CAMKMT: variants seen among roughly 807,000 people sequenced by gnomAD.
CAMKMT encodes the protein CaM KMT.
In CAMKMT, 53 loss-of-function variants were observed where a neutral mutation model predicts 48.0. The ratio of observed to expected loss-of-function variants is 1.10; its 90% CI spans 0.89 to 1.39. The LOEUF is 1.39. Among genes scored for constraint, CAMKMT ranks in the 40% most tolerant of loss-of-function variants. The pLI is 0.00. For missense variants in CAMKMT, 428 were observed against 402.7 expected, an observed-to-expected ratio of 1.06 and a Z score of -0.54; for synonymous variants, 165 against 152.3, an observed-to-expected ratio of 1.08 and a Z score of -0.61.
intron 3 of CAMKMT, among the ~76,000 whole-genome samples, chr2:44,416,031 T>A (rs1464386289): frequency 1.3e-5 from 2 of 152,230 alleles, no homozygotes; most frequent in South Asian, 4.1e-4. Context: ...AAAATCCTTT[T>A]AAGATACTGA....
chr2:44,400,922 ATGTG>A (rs58801502), intron 3 of CAMKMT: 3 of 129,884 alleles, frequency 2.3e-5, no homozygotes, highest in Non-Finnish European at 4.9e-5. Flanking sequence ...ATGTATACTT[ATGTG>A]TGTGTATATA....
At chr2:44,504,567 C>A (rs1026717520) in intron 3 of CAMKMT, among the ~76,000 whole-genome samples, 2 of 152,078 alleles carry the variant, frequency 1.3e-5, no homozygotes, top group African/African-American at 4.8e-5. Context: ...ATTTCCTATG[C>A]CTCTTACAAG....
At chr2:44,679,082 A>G (rs780509442) in intron 3 of CAMKMT, among the ~76,000 whole-genome samples, 7 of 152,152 alleles carry the variant, frequency 4.6e-5, no homozygotes, top group African/African-American at 7.2e-5. Flanking sequence ...TGAATAAACC[A>G]TCCTGGTTTC....
chr2:44,767,628 A>G (rs915382591), intron 10 of CAMKMT, among the ~76,000 whole-genome samples: 2 of 152,160 alleles, frequency 1.3e-5, no homozygotes, highest in Non-Finnish European at 2.9e-5. Flanking sequence ...ACATCCTCTC[A>G]CTGGTGGAGT....
intron 3 of CAMKMT, among the ~76,000 whole-genome samples, chr2:44,485,550 A>T (rs1669174376): frequency 6.6e-6 from 1 of 152,194 alleles, no homozygotes; most frequent in Admixed American, 6.5e-5. Context: ...ACTTACACAA[A>T]CCTAGATGGT....
At chr2:44,556,084 T>C (rs1006879993) in intron 3 of CAMKMT, among the ~76,000 whole-genome samples, 1 of 152,168 alleles carries the variant, frequency 6.6e-6, no homozygotes, top group African/African-American at 2.4e-5. Flanking sequence ...AGCATCTTCA[T>C]TGCAAAGTGA....
At chr2:44,387,591 TG>T (rs1249055176) in intron 2 of CAMKMT, among the ~76,000 whole-genome samples, 1 of 152,202 alleles carries the variant, frequency 6.6e-6, no homozygotes, top group African/African-American at 2.4e-5. Context: ...TTTTTGTTTT[TG>T]CTTTTTAACT....
At chr2:44,561,790 T>C in intron 3 of CAMKMT, among the ~76,000 whole-genome samples, 1 of 152,192 alleles carries the variant, frequency 6.6e-6, no homozygotes, top group East Asian at 1.9e-4. Flanking sequence ...CACTCATTTC[T>C]GATAAAGAAA....
chr2:44,706,452 A>G, intron 5 of CAMKMT, 111 bp downstream of exon 5: 2 of 1,023,314 alleles, frequency 2.0e-6, no homozygotes, highest in Non-Finnish European at 3.1e-6. Flanking sequence ...AGCTGCGGTC[A>G]AGCTGCCGGG....
At chr2:44,514,793 TTGC>T (rs1480200654) in intron 3 of CAMKMT, among the ~76,000 whole-genome samples, 2 of 152,232 alleles carry the variant, frequency 1.3e-5, no homozygotes, top group Non-Finnish European at 2.9e-5. Context: ...GCAACGGTTG[TTGC>T]TATAGCAATG....
intron 3 of CAMKMT, among the ~76,000 whole-genome samples, chr2:44,516,583 C>T (rs1269935251): frequency 5.9e-5 from 9 of 152,034 alleles, no homozygotes; most frequent in Non-Finnish European, 1.2e-4. Flanking sequence ...ATACTATTAA[C>T]TCATTACCCT....
chr2:44,572,101 C>T (rs1198842218), intron 3 of CAMKMT, among the ~76,000 whole-genome samples: 2 of 152,298 alleles, frequency 1.3e-5, no homozygotes. Context: ...AGAACTTTTT[C>T]ATCTCCCCAG....
chr2:44,753,690 G>A (rs1573233678), intron 8 of CAMKMT, among the ~76,000 whole-genome samples: 1 of 152,166 alleles, frequency 6.6e-6, no homozygotes, highest in Admixed American at 6.5e-5. Context: ...CCCTTGGTGG[G>A]CAGAGGGCCC....
intron 3 of CAMKMT, among the ~76,000 whole-genome samples, chr2:44,681,927 C>T (rs1275026530): frequency 6.6e-6 from 1 of 152,128 alleles, no homozygotes; most frequent in Admixed American, 6.5e-5. Context: ...TCTTTAGAAT[C>T]GTTACTGCTA....
At chr2:44,380,893 G>T (rs1234217816) in intron 2 of CAMKMT, among the ~76,000 whole-genome samples, 1 of 152,158 alleles carries the variant, frequency 6.6e-6, no homozygotes, top group African/African-American at 2.4e-5. Context: ...CGGGCATGGT[G>T]GCTCACACCT....
intron 3 of CAMKMT, among the ~76,000 whole-genome samples, chr2:44,604,485 A>G (rs556685714): frequency 6.6e-6 from 1 of 152,116 alleles, no homozygotes; most frequent in Non-Finnish European, 1.5e-5. Flanking sequence ...CAGAGTCGGA[A>G]GATTTTCAAC....
chr2:44,608,246 G>T (rs965527909), intron 3 of CAMKMT, among the ~76,000 whole-genome samples: 1 of 151,662 alleles, frequency 6.6e-6, no homozygotes, highest in Non-Finnish European at 1.5e-5. Flanking sequence ...CTAATTTTTT[G>T]TATTTTTAGT....
chr2:44,575,538 G>A (rs1669169783), intron 3 of CAMKMT, among the ~76,000 whole-genome samples: 1 of 152,000 alleles, frequency 6.6e-6, no homozygotes, highest in Non-Finnish European at 1.5e-5. Context: ...CACCCTTACA[G>A]ATCTTGTTCA....
At chr2:44,510,825 G>T in intron 3 of CAMKMT, among the ~76,000 whole-genome samples, 1 of 151,766 alleles carries the variant, frequency 6.6e-6, no homozygotes, top group East Asian at 1.9e-4. Flanking sequence ...TCCTCCTCGA[G>T]TCCCCAAAGT....
Sources: allele counts gnomAD v4.1 joint callset (sites outside exome capture counted in the v4.1 genomes callset), GRCh38; gene constraint gnomAD v4.1.1; transcripts MANE v1.5; gene names NCBI Gene and HGNC (gene_info 2026-07-23, HGNC 2026-07-21).